GNG11: variants seen among roughly 807,000 people sequenced by gnomAD.
The protein encoded by GNG11 is G protein subunit gamma 11, also known as guanine nucleotide-binding protein G(I)/G(S)/G(O) subunit gamma-11.
Under a neutral mutation model 7.4 loss-of-function variants are expected in GNG11, and 6 were observed. That is an observed-to-expected ratio of 0.81 (90% confidence interval 0.44 to 1.60). GNG11 has a LOEUF of 1.60. Among genes scored for constraint, GNG11 ranks in the 40% most tolerant of loss-of-function variants. GNG11 has a pLI of 0.01. For missense variants in GNG11, 65 were observed against 83.0 expected, an observed-to-expected ratio of 0.78 and a Z score of 0.84; for synonymous variants, 31 against 25.9, an observed-to-expected ratio of 1.20 and a Z score of -0.60.
intron 1 of GNG11, 149 bp from the exon 2 acceptor site, chr7:93,925,942 T>A (rs1327140857): frequency 1.6e-5 from 4 of 249,344 alleles, no homozygotes; most frequent in Admixed American, 1.1e-4. Flanking sequence ...ATATATATAA[T>A]ATATACACAC....
At chr7:93,924,766 A>G (rs1030705637) in intron 1 of GNG11, among the ~76,000 whole-genome samples, 1 of 152,248 alleles carries the variant, frequency 6.6e-6, no homozygotes, top group Non-Finnish European at 1.5e-5. Flanking sequence ...TGGGATACAC[A>G]TGCAAACATG....
In GNG11 at chr7:93,927,322, T is replaced by G. The variant is rs1335349172; in HGVS notation, c.*1106T>G. 1 of 152,220 alleles carries G rather than the reference T, an allele frequency of 6.6e-6. No individual in the cohort carries two copies. Among genetic ancestry groups the G allele is most frequent in the Non-Finnish European group, 1.5e-5 (1 of 68,038 alleles). The allele number at this position is 152,220 out of a possible 1,614,324, so 9.4% of individuals were successfully genotyped here. Reference sequence around the variant, plus strand: ...TCCTGCAGGGCAACACGTCAGAGTATAACTCCTGCTCAAGTTCATAACAAA... The same window carrying G: ...TCCTGCAGGGCAACACGTCAGAGTAGAACTCCTGCTCAAGTTCATAACAAA... On this transcript the variant is annotated 3_prime_UTR_variant, in exon 2 of 2. Transcript: ENST00000248564.
chr7:93,924,887 T>A (rs777249034), intron 1 of GNG11, among the ~76,000 whole-genome samples: 2 of 152,190 alleles, frequency 1.3e-5, no homozygotes, highest in East Asian at 1.9e-4. Flanking sequence ...TGGTGCGGCC[T>A]GGCGCGGTGT....
chr7:93,924,992 G>A lies in GNG11; in HGVS notation c.97-1099G>A, dbSNP rs139154919. Among the ~76,000 whole-genome samples, 1,059 of 152,168 alleles carry A rather than the reference G, an allele frequency of 7.0e-3. 13 individuals carry two copies. Among genetic ancestry groups the A allele is most frequent in the African/African-American group, 0.024 (1,003 of 41,530 alleles). The stretch of plus-strand genomic sequence containing the variant: ...ATGCTGGCTAACGTGGTGAAACCCC[G>A]TCTCTACTAAAAATACAAAAAATTA... On this transcript the variant is annotated intron_variant, in intron 1 of 1. Coordinates refer to ENST00000248564, the MANE Select transcript of GNG11 (RefSeq NM_004126.4).
Position 93,926,281 on chromosome 7 carries a change from C to T in GNG11, c.*65C>T. On this transcript the variant is annotated 3_prime_UTR_variant, in exon 2 of 2. Transcript: ENST00000248564. ...TTTGTTTTAGTTTTCCCAGATAAAACCAACATGCTTTTTAAGGAAGGAAGA... is the reference window on the plus strand; with the variant it reads ...TTTGTTTTAGTTTTCCCAGATAAAATCAACATGCTTTTTAAGGAAGGAAGA... 1 of 1,223,240 alleles carries T rather than the reference C, an allele frequency of 8.2e-7. No homozygotes were observed. The highest frequency in any genetic ancestry group is 1.1e-6 in the Non-Finnish European group (1 of 881,472). The allele number at this position is 1,223,240 out of a possible 1,614,324, so 75.8% of individuals were successfully genotyped here. A position where few individuals can be genotyped will look rare whatever the true frequency, so the allele number is the denominator to read the frequency against.
At chr7:93,925,173 T>G (rs1338184784) in intron 1 of GNG11, among the ~76,000 whole-genome samples, 1 of 152,140 alleles carries the variant, frequency 6.6e-6, no homozygotes, top group Non-Finnish European at 1.5e-5. Flanking sequence ...CAAAAAGAAA[T>G]AAATAATTAA....
At chr7:93,925,081 T>A (rs577548146) in intron 1 of GNG11, among the ~76,000 whole-genome samples, 2 of 152,094 alleles carry the variant, frequency 1.3e-5, no homozygotes, top group South Asian at 2.1e-4. Context: ...GGAGAATGGC[T>A]AGAATCCGGG....
Position 93,922,161 on chromosome 7 carries a change from T to C in GNG11, c.24T>C (p.Asp8=). The C allele has an allele frequency of 3.1e-6, 5 of 1,594,192 alleles. No homozygotes were observed. The highest frequency in any genetic ancestry group is 4.3e-6 in the Non-Finnish European group (5 of 1,166,602). ...AAATGCCTGCCCTTCACATCGAAGA[T>C]TTGCCAGAGAAGGAAAAACTGAAAA... The part of the protein sequence containing the change: MPALHIE[D]LPEKEKLKME... Residue 8 remains aspartate, a synonymous_variant, in exon 1 of 2, where the codon GAT becomes GAC. Transcript: ENST00000248564.
chr7:93,922,094 G>C lies in GNG11; in HGVS notation c.-44G>C. 1.6e-6 allele frequency: 2 copies of C among 1,277,612 alleles called. No individual in the cohort carries two copies. The highest frequency in any genetic ancestry group is 2.2e-6 in the Non-Finnish European group (2 of 916,456). The allele number at this position is 1,277,612 out of a possible 1,614,324, so 79.1% of individuals were successfully genotyped here. A position where few individuals can be genotyped will look rare whatever the true frequency, so the allele number is the denominator to read the frequency against. ...CGCCGAGCTTCGCCGCTCTTCCAGC[G>C]GCTCCGCTGCCAGAGCTAGCCCGAG... On this transcript the variant is annotated 5_prime_UTR_variant, in exon 1 of 2. Transcript: ENST00000248564.
At chr7:93,925,508 C>T (rs538877228) in intron 1 of GNG11, among the ~76,000 whole-genome samples, 123 of 152,180 alleles carry the variant, frequency 8.1e-4, no homozygotes, top group Non-Finnish European at 5.9e-4. Context: ...ACACAGAGTG[C>T]GATATTTGGA....
chr7:93,923,460 C>T (rs1794640725), intron 1 of GNG11, among the ~76,000 whole-genome samples: 1 of 152,170 alleles, frequency 6.6e-6, no homozygotes, highest in Non-Finnish European at 1.5e-5. Flanking sequence ...AAGGAAGTTA[C>T]ACTACCCAAT....
Position 93,922,205 on chromosome 7 carries a change from G to T in GNG11, c.68G>T (p.Arg23Leu), listed in dbSNP as rs780681272. 5 of 1,590,920 alleles carry T rather than the reference G, an allele frequency of 3.1e-6. No homozygotes were observed. The highest frequency in any genetic ancestry group is 1.3e-5 in the African/African-American group (1 of 74,670). ...EKLKMEVEQL[R>L]KEVKLQRQQV... Reference sequence around the variant, plus strand: ...CTGAAAATGGAAGTTGAGCAGCTTCGCAAAGAAGTGAAGTTGCAGAGACAA... The same window carrying T: ...CTGAAAATGGAAGTTGAGCAGCTTCTCAAAGAAGTGAAGTTGCAGAGACAA... The change falls in exon 1 of 2, where the codon CGC (arginine) becomes CTC (leucine). Residue 23 changes from arginine (R) to leucine (L), a missense_variant. Arg to Leu is a moderately radical substitution (Grantham distance 102, BLOSUM62 -2). Coordinates refer to ENST00000248564, the MANE Select transcript of GNG11 (RefSeq NM_004126.4).
Position 93,926,166 on chromosome 7 carries a change from C to G in GNG11, c.172C>G (p.Pro58Ala). Residue 58 changes from proline (P) to alanine (A), a missense_variant, in exon 2 of 2, where the codon CCA becomes GCA. By Grantham distance (27) the Pro-to-Ala change is conservative (BLOSUM62 -1). Transcript: ENST00000248564. ...SGEDPLVKGI[P>A]EDKNPFKEKG... ...AGAGGATCCTCTAGTAAAGGGAATT[C>G]CAGAAGACAAGAACCCCTTTAAAGA... is the stretch of plus-strand genomic sequence containing the variant. The G allele has an allele frequency of 1.3e-6, 2 of 1,591,592 alleles. No homozygotes were observed. Among genetic ancestry groups the G allele is most frequent in the Non-Finnish European group, 1.7e-6 (2 of 1,167,114 alleles).
rs185334356 is a variant in GNG11, at chr7:93,926,075, T to C, written c.97-16T>C. On this transcript the variant is annotated splice_polypyrimidine_tract_variant and intron_variant, in intron 1 of 1. Coordinates refer to ENST00000248564, the MANE Select transcript of GNG11 (RefSeq NM_004126.4). ...AACCCTAACCTAATGTATTCTCTTT[T>C]TTTTCTATACTTAAGGTGTCTAAAT... is the stretch of plus-strand genomic sequence containing the variant. 1.4e-4 allele frequency: 201 copies of C among 1,459,272 alleles called. 2 individuals carry two copies. In the African/African-American group the frequency reaches 2.6e-3, roughly 19 times the overall value. 90.4% of individuals were successfully genotyped at this position (1,459,272 alleles called of 1,614,324 possible).
rs1234653681 is a variant in GNG11 at position 93,921,982 on chromosome 7, C to T, written c.-156C>T. The T allele has an allele frequency of 1.0e-5, 5 of 486,012 alleles. No homozygotes were observed. In the East Asian group the frequency reaches 1.6e-4, roughly 16 times the overall value. The allele number at this position is 486,012 out of a possible 1,614,324, so 30.1% of individuals were successfully genotyped here. On this transcript the variant is annotated 5_prime_UTR_variant, in exon 1 of 2. Coordinates refer to ENST00000248564, the MANE Select transcript of GNG11 (RefSeq NM_004126.4). The stretch of plus-strand genomic sequence containing the variant: ...GACAAGCGTCCCGGAGAAAGCCAAG[C>T]CCTCGGGGAGCTGGGGACCGCAGCA...
chr7:93,924,108 CATT>C (rs1401165162), intron 1 of GNG11, among the ~76,000 whole-genome samples: 1 of 152,174 alleles, frequency 6.6e-6, no homozygotes, highest in East Asian at 1.9e-4. Context: ...GGTACTAAAA[CATT>C]CTTCTTCTCA....
chr7:93,927,653 A>G lies in GNG11; in HGVS notation c.*1437A>G, dbSNP rs1343889141. On this transcript the variant is annotated 3_prime_UTR_variant, in exon 2 of 2. Transcript: ENST00000248564. ...GTAACCTGTAGCAGCTTTCTAAAGT[A>G]TATCAGCATCCTCGTTCTGAAATTC... 3.3e-5 allele frequency: 5 copies of G among 152,232 alleles called. No individual in the cohort carries two copies. Among genetic ancestry groups the G allele is most frequent in the African/African-American group, 9.7e-5 (4 of 41,442 alleles). 9.4% of individuals were successfully genotyped at this position (152,232 alleles called of 1,614,324 possible). A position where few individuals can be genotyped will look rare whatever the true frequency, so the allele number is the denominator to read the frequency against.
rs1281351822 is a variant in GNG11 at position 93,922,202 on chromosome 7, T to C, written c.65T>C (p.Leu22Pro). 7 of 1,592,944 alleles carry C rather than the reference T, an allele frequency of 4.4e-6. No individual in the cohort carries two copies. In the African/African-American group the frequency reaches 9.4e-5, roughly 21 times the overall value. ...KEKLKMEVEQ[L>P]RKEVKLQRQQ... ...AAACTGAAAATGGAAGTTGAGCAGC[T>C]TCGCAAAGAAGTGAAGTTGCAGAGA... The change falls in exon 1 of 2, where the codon CTT becomes CCT. Residue 22 changes from leucine (L) to proline (P), a missense_variant. By Grantham distance (98) the Leu-to-Pro change is moderately conservative. Transcript: ENST00000248564.
At chr7:93,925,713 T>C (rs1794668322) in intron 1 of GNG11, among the ~76,000 whole-genome samples, 1 of 152,212 alleles carries the variant, frequency 6.6e-6, no homozygotes, top group African/African-American at 2.4e-5. Context: ...TAAAATATTG[T>C]AGACATGGCA....
Sources: gnomAD v4.1 joint callset for allele counts (sites outside exome capture counted in the v4.1 genomes callset) on GRCh38, gnomAD v4.1.1 for gene constraint, MANE v1.5 for transcripts, NCBI Gene and HGNC (gene_info 2026-07-23, HGNC 2026-07-21) for gene names.